Variants in MOB3B observed in about 807,000 individuals in gnomAD.
MOB3B encodes MOB kinase activator 3B, also known as MOB kinase activator-like 2B.
MOB3B carries 7 observed loss-of-function variants against 18.7 expected under a neutral mutation model. That is an observed-to-expected ratio of 0.37 (90% confidence interval 0.21 to 0.70). MOB3B has a LOEUF of 0.70. Ranked by LOEUF, MOB3B falls within the 30% of genes least tolerant of loss-of-function variation. The pLI, the probability that MOB3B is intolerant of heterozygous loss-of-function variation, is 0.52. For synonymous variants in MOB3B, 111 were observed against 99.9 expected (o/e 1.11, Z -0.66); for missense variants, 253 against 281.3 (o/e 0.90, Z 0.72).
At chr9:27,395,418 AT>A (rs976205326) in intron 2 of MOB3B, among the ~76,000 whole-genome samples, 17 of 152,086 alleles carry the variant, frequency 1.1e-4, no homozygotes, top group Admixed American at 9.2e-4. Flanking sequence ...AATACATATA[AT>A]TTTTATTTGC....
In MOB3B at chr9:27,455,158, G is replaced by C; in HGVS notation, c.393C>G (p.Asn131Lys). ...CCACGCATGTTGGAAATATTTCCTCGTTGTTGATCTGAACCTCAATCCAAT... is the reference window on the plus strand; with the variant it reads ...CCACGCATGTTGGAAATATTTCCTCCTTGTTGATCTGAACCTCAATCCAAT... Reference protein sequence around the residue: ...LMDWIEVQINNEEIFPTCVGV... With the variant: ...LMDWIEVQINKEEIFPTCVGV... Residue 131 changes from asparagine to lysine, a missense_variant, in exon 2 of 4, where the codon AAC becomes AAG. Coordinates refer to ENST00000262244, the MANE Select transcript of MOB3B (RefSeq NM_024761.5). 1.2e-6 allele frequency: 2 copies of C among 1,614,100 alleles called. No homozygotes were observed. The highest frequency in any genetic ancestry group is 1.7e-6 in the Non-Finnish European group (2 of 1,179,996).
intron 2 of MOB3B, chr9:27,378,681 C>G (rs1014721988): frequency 2.1e-6 from 1 of 470,998 alleles, no homozygotes; most frequent in African/African-American, 2.0e-5. Flanking sequence ...AGAACCACAC[C>G]TGGGGAATCC....
At chr9:27,367,377 T>C (rs1821355615) in intron 2 of MOB3B, among the ~76,000 whole-genome samples, 1 of 152,208 alleles carries the variant, frequency 6.6e-6, no homozygotes, top group Non-Finnish European at 1.5e-5. Flanking sequence ...CGAAACTTGT[T>C]AGAAGACAAG....
intron 1 of MOB3B, among the ~76,000 whole-genome samples, chr9:27,481,627 G>C (rs1410144144): frequency 1.4e-5 from 2 of 147,918 alleles, no homozygotes; most frequent in Non-Finnish European, 3.0e-5. Flanking sequence ...CCAGGTTTAT[G>C]CCACTCTCCT....
At chr9:27,487,375 T>C (rs1415486907) in intron 1 of MOB3B, among the ~76,000 whole-genome samples, 3 of 151,938 alleles carry the variant, frequency 2.0e-5, no homozygotes, top group African/African-American at 7.3e-5. Context: ...GGTAATAAGC[T>C]TTATTACCCT....
chr9:27,401,109 G>T (rs1411816764), intron 2 of MOB3B, among the ~76,000 whole-genome samples: 1 of 152,188 alleles, frequency 6.6e-6, no homozygotes. Context: ...ATGGAACCGG[G>T]CCAGGGAACT....
chr9:27,445,716 T>C (rs182293234), intron 2 of MOB3B, among the ~76,000 whole-genome samples: 115 of 152,184 alleles, frequency 7.6e-4, no homozygotes, highest in Non-Finnish European at 1.2e-3. Flanking sequence ...CAAGGAGGTA[T>C]TGAAGAGAGT....
chr9:27,336,742 T>C (rs952803874), intron 3 of MOB3B, among the ~76,000 whole-genome samples: 22 of 152,044 alleles, frequency 1.4e-4, no homozygotes, highest in African/African-American at 4.8e-4. Flanking sequence ...TAAAGGAAAT[T>C]GGGCTCTCTA....
At chr9:27,439,696 C>T (rs1398820285) in intron 2 of MOB3B, among the ~76,000 whole-genome samples, 1 of 152,134 alleles carries the variant, frequency 6.6e-6, no homozygotes, top group African/African-American at 2.4e-5. Flanking sequence ...CTTTTTCCCC[C>T]TCTCATGCTG....
chr9:27,525,964 T>C (rs1820430282), intron 1 of MOB3B: 1 of 152,224 alleles, frequency 6.6e-6, no homozygotes, highest in South Asian at 2.1e-4. Context: ...CTAGCTGACA[T>C]GGATTTTCTC....
In MOB3B at chr9:27,383,785, G is replaced by A. The variant is rs143937985; in HGVS notation, c.419-24549C>T. Among the ~76,000 whole-genome samples, 338 of 152,220 alleles carry A rather than the reference G, an allele frequency of 2.2e-3. 3 individuals carry two copies. Among genetic ancestry groups the A allele is most frequent in the African/African-American group, 7.7e-3 (319 of 41,540 alleles). On this transcript the variant is annotated intron_variant, in intron 2 of 3. Coordinates refer to ENST00000262244, the MANE Select transcript of MOB3B (RefSeq NM_024761.5). ...ATTGTTCATTTATTATTTATACTGC[G>A]CTCTACCCAAAACATAGTGGGTACT...
intron 2 of MOB3B, among the ~76,000 whole-genome samples, chr9:27,366,010 T>G (rs894703568): frequency 6.6e-6 from 1 of 152,188 alleles, no homozygotes; most frequent in African/African-American, 2.4e-5. Context: ...AAAGCAAGAC[T>G]AGAGTTTTCT....
At position 27,359,174 on chromosome 9, in the gene MOB3B, C is replaced by T. The variant is rs956404831; in HGVS notation, c.481G>A (p.Val161Ile). The change falls in exon 3 of 4, where the codon GTC (valine) becomes ATC (isoleucine). Residue 161 changes from valine to isoleucine, a missense_variant. Coordinates refer to ENST00000262244, the MANE Select transcript of MOB3B (RefSeq NM_024761.5). The stretch of plus-strand genomic sequence containing the variant: ...TGGTGGATATAGACGTGGACAAAGA[C>T]CCGGAAAAGGCGGCACAGGATCTTC... Reference protein sequence around the residue: ...CKKILCRLFRVFVHVYIHHFD... With the variant: ...CKKILCRLFRIFVHVYIHHFD... 3.1e-6 allele frequency: 5 copies of T among 1,613,982 alleles called. No individual in the cohort carries two copies. The highest frequency in any genetic ancestry group is 4.2e-6 in the Non-Finnish European group (5 of 1,180,038).
At chr9:27,412,448 C>A (rs1822084776) in intron 2 of MOB3B, among the ~76,000 whole-genome samples, 1 of 152,204 alleles carries the variant, frequency 6.6e-6, no homozygotes, top group Admixed American at 6.5e-5. Context: ...GCAATATACT[C>A]TTTATCTATA....
In MOB3B at chr9:27,333,782, G is replaced by C. The variant is rs897874147; in HGVS notation, c.622-3166C>G. ...CAGTAATTGATTCTATGAAGTCCCT[G>C]GTTCTCCACTGTCAACAAAACAAAT... On this transcript the variant is annotated intron_variant, in intron 3 of 3. Transcript: ENST00000262244. Among the ~76,000 whole-genome samples, 150 of 152,286 alleles carry C rather than the reference G, an allele frequency of 9.8e-4. 2 individuals carry two copies. The highest frequency in any genetic ancestry group is 3.5e-3 in the African/African-American group (147 of 41,550).
intron 1 of MOB3B, among the ~76,000 whole-genome samples, chr9:27,469,744 T>A (rs1314652189): frequency 1.3e-5 from 2 of 152,146 alleles, no homozygotes; most frequent in African/African-American, 4.8e-5. Context: ...ATGGATCTGT[T>A]TAATACTTCA....
At chr9:27,340,969 T>C (rs10812570) in intron 3 of MOB3B, among the ~76,000 whole-genome samples, 55,402 of 152,180 alleles carry the variant, frequency 0.36, 10,308 homozygotes, top group Middle Eastern at 0.52. Flanking sequence ...AAAGGGTGAC[T>C]GAGTGCACCC....
intron 2 of MOB3B, among the ~76,000 whole-genome samples, chr9:27,395,914 A>G (rs982298089): frequency 6.6e-6 from 1 of 152,212 alleles, no homozygotes; most frequent in African/African-American, 2.4e-5. Context: ...CTTTTAAAGC[A>G]CTCAGCAAGC....
In MOB3B at chr9:27,347,441, C is replaced by T. The variant is rs928953807; in HGVS notation, c.621+11593G>A. Among the ~76,000 whole-genome samples the T allele has an allele frequency of 5.8e-4, 88 of 152,368 alleles. 1 individual carries two copies. Among genetic ancestry groups the T allele is most frequent in the African/African-American group, 1.9e-3 (81 of 41,588 alleles). ...ACCCAGCCATGTTCCTGGAACGTAG[C>T]GCCCTGGTGATACTGGGGTTTGCAT... On this transcript the variant is annotated intron_variant, in intron 3 of 3. Coordinates refer to ENST00000262244, the MANE Select transcript of MOB3B (RefSeq NM_024761.5).
Sources: gnomAD v4.1 joint callset for allele counts (sites outside exome capture counted in the v4.1 genomes callset) on GRCh38, gnomAD v4.1.1 for gene constraint, MANE v1.5 for transcripts, NCBI Gene and HGNC (gene_info 2026-07-23, HGNC 2026-07-21) for gene names.